SNRNP27: variants seen among roughly 807,000 people sequenced by gnomAD.
SNRNP27 encodes the protein U4/U6.U5 small nuclear ribonucleoprotein 27 kDa protein.
A neutral mutation model predicts 25.1 loss-of-function variants in SNRNP27; 22 were observed. That is an observed-to-expected ratio of 0.88 (90% CI 0.63 to 1.25). The LOEUF (loss-of-function observed/expected upper bound fraction) is 1.25. Ranked by LOEUF, SNRNP27 falls within the 50% of genes most tolerant of loss-of-function variation. SNRNP27 has a pLI of 0.00. For synonymous variants in SNRNP27, 66 were observed against 64.9 expected, an observed-to-expected ratio of 1.02 and a Z score of -0.08; for missense variants, 150 against 202.3, an observed-to-expected ratio of 0.74 and a Z score of 1.57.
At chr2:69,895,943 A>T (rs896737858) in intron 2 of SNRNP27, among the ~76,000 whole-genome samples, 5 of 151,034 alleles carry the variant, frequency 3.3e-5, no homozygotes, top group African/African-American at 1.2e-4. Context: ...GAAGAACATT[A>T]GAAATGGGCT....
In SNRNP27 at chr2:69,904,677, G is replaced by T; in HGVS notation, c.*369G>T. The T allele has an allele frequency of 3.3e-6, 1 of 300,870 alleles. No homozygotes were observed. The highest frequency in any genetic ancestry group is 6.0e-6 in the Non-Finnish European group (1 of 166,150). The allele number at this position is 300,870 out of a possible 1,614,324, so 18.6% of individuals were successfully genotyped here. A position where few individuals can be genotyped will look rare whatever the true frequency, so the allele number is the denominator to read the frequency against. On this transcript the variant is annotated 3_prime_UTR_variant, in exon 6 of 6. Transcript: ENST00000244227. ...GCAGTATTTCTACCCTTTTAGATTT[G>T]ATAAATATTTTTATTACTAAAGAAT...
At chr2:69,898,878 T>A (rs1676646162) in intron 4 of SNRNP27, among the ~76,000 whole-genome samples, 1 of 152,234 alleles carries the variant, frequency 6.6e-6, no homozygotes, top group Non-Finnish European at 1.5e-5. Context: ...TGAAAGTTTA[T>A]TAAGATATAT....
At position 69,897,374 on chromosome 2, in the gene SNRNP27, C is replaced by T. The variant is rs187301790; in HGVS notation, c.269-3C>T. 33 of 1,605,014 alleles carry T rather than the reference C, an allele frequency of 2.1e-5. No individual in the cohort carries two copies. In the East Asian group the frequency reaches 6.5e-4, roughly 32 times the overall value. On this transcript the variant is annotated splice_polypyrimidine_tract_variant and splice_region_variant and intron_variant, in intron 3 of 5. Coordinates refer to ENST00000244227, the MANE Select transcript of SNRNP27 (RefSeq NM_006857.3). The stretch of plus-strand genomic sequence containing the variant: ...GAGGTCACAAAATTATTCTTTTTTG[C>T]AGAGGAAGACTTAGAGGGCAAAACA...
chr2:69,898,859 T>C (rs757465845), intron 4 of SNRNP27, among the ~76,000 whole-genome samples: 15 of 152,250 alleles, frequency 9.9e-5, no homozygotes, highest in Non-Finnish European at 2.1e-4. Context: ...CCAAAGACTA[T>C]TTTATAAATG....
At chr2:69,900,063 T>C (rs1290598798) in intron 4 of SNRNP27, among the ~76,000 whole-genome samples, 1 of 151,844 alleles carries the variant, frequency 6.6e-6, no homozygotes, top group African/African-American at 2.4e-5. Flanking sequence ...GCTCAAGAAA[T>C]CCTCTTGCCC....
chr2:69,900,290 T>A (rs1676672544), intron 4 of SNRNP27, among the ~76,000 whole-genome samples: 2 of 152,328 alleles, frequency 1.3e-5, no homozygotes, highest in African/African-American at 4.8e-5. Context: ...TAAATGAGGA[T>A]AGGGCTAATA....
Position 69,904,957 on chromosome 2 carries a change from A to G in SNRNP27, c.*649A>G, listed in dbSNP as rs1172364212. ...CTGTTATCTACTCCCAGAAATAATC[A>G]ATTTCAACATTTTGGTATATGTTTT... is the stretch of plus-strand genomic sequence containing the variant. On this transcript the variant is annotated 3_prime_UTR_variant, in exon 6 of 6. Coordinates refer to ENST00000244227, the MANE Select transcript of SNRNP27 (RefSeq NM_006857.3). 1 of 152,220 alleles carries G rather than the reference A, an allele frequency of 6.6e-6. No individual in the cohort carries two copies. The highest frequency in any genetic ancestry group is 1.5e-5 in the Non-Finnish European group (1 of 68,086). The allele number at this position is 152,220 out of a possible 1,614,324, so 9.4% of individuals were successfully genotyped here. A position where few individuals can be genotyped will look rare whatever the true frequency, so the allele number is the denominator to read the frequency against.
chr2:69,905,190 G>C lies in SNRNP27; in HGVS notation c.*882G>C, dbSNP rs1412918717. ...AACATTGGCTTGCCTCCCATGACTT[G>C]CCATTATAATTAAAACTGTGACTAC... On this transcript the variant is annotated 3_prime_UTR_variant, in exon 6 of 6. Coordinates refer to ENST00000244227, the MANE Select transcript of SNRNP27 (RefSeq NM_006857.3). 6.6e-6 allele frequency: 1 copy of C among 152,042 alleles called. No homozygotes were observed. Among genetic ancestry groups the C allele is most frequent in the African/African-American group, 2.4e-5 (1 of 41,398 alleles). The allele number at this position is 152,042 out of a possible 1,614,324, so 9.4% of individuals were successfully genotyped here. A position where few individuals can be genotyped will look rare whatever the true frequency, so the allele number is the denominator to read the frequency against.
At chr2:69,901,480 C>T (rs968884216) in intron 4 of SNRNP27, among the ~76,000 whole-genome samples, 1 of 152,140 alleles carries the variant, frequency 6.6e-6, no homozygotes, top group African/African-American at 2.4e-5. Flanking sequence ...ACATAACAAC[C>T]TAGCATTTGT....
intron 2 of SNRNP27, 21 bp downstream of exon 2, chr2:69,895,235 A>G: frequency 6.2e-7 from 1 of 1,609,214 alleles, no homozygotes. Flanking sequence ...AAAATAAGCC[A>G]AGAGTTTTAT....
At chr2:69,895,390 A>G (rs1427135800) in intron 2 of SNRNP27, among the ~76,000 whole-genome samples, 176 bp downstream of exon 2, 3 of 152,266 alleles carry the variant, frequency 2.0e-5, no homozygotes, top group Admixed American at 2.0e-4. Context: ...TGGTGCTAAT[A>G]GTACTCTACA....
chr2:69,896,279 T>C (rs1348318051), intron 2 of SNRNP27, among the ~76,000 whole-genome samples, 157 bp from the exon 3 acceptor site: 1 of 152,248 alleles, frequency 6.6e-6, no homozygotes, highest in Admixed American at 6.5e-5. Flanking sequence ...TAAAAAATTT[T>C]TTTGTTAACA....
chr2:69,895,035 C>G, intron 1 of SNRNP27, 59 bp from the exon 2 acceptor site: 1 of 1,601,614 alleles, frequency 6.2e-7, no homozygotes, highest in South Asian at 1.1e-5. Context: ...TACTGGACGG[C>G]GCAGCTCTAG....
intron 4 of SNRNP27, 34 bp from the exon 5 acceptor site, chr2:69,903,147 G>GT (rs568205641): frequency 4.2e-5 from 65 of 1,551,166 alleles, no homozygotes; most frequent in South Asian, 3.7e-4. Context: ...TATCCTTCCT[G>GT]TTTTTTGTCT....
chr2:69,894,543 TG>T (rs1676565735), intron 1 of SNRNP27, among the ~76,000 whole-genome samples: 1 of 152,200 alleles, frequency 6.6e-6, no homozygotes, highest in Non-Finnish European at 1.5e-5. Context: ...TTTTGAGTCC[TG>T]GGAGCTCACT....
In SNRNP27 at chr2:69,904,342, C is replaced by T; in HGVS notation, c.*34C>T. ...GTGTTGAAGGATGATTTTTTTTCCC[C>T]TCATCTTGGTCAGAGAGTGGATTTT... On this transcript the variant is annotated 3_prime_UTR_variant, in exon 6 of 6. Transcript: ENST00000244227. 1 of 1,550,304 alleles carries T rather than the reference C, an allele frequency of 6.5e-7. No individual in the cohort carries two copies. Among genetic ancestry groups the T allele is most frequent in the Non-Finnish European group, 8.9e-7 (1 of 1,124,670 alleles).
At chr2:69,895,768 G>C (rs933919368) in intron 2 of SNRNP27, among the ~76,000 whole-genome samples, 1 of 152,156 alleles carries the variant, frequency 6.6e-6, no homozygotes, top group Non-Finnish European at 1.5e-5. Flanking sequence ...CAACGTGTTA[G>C]CCAGGATGGT....
rs1676625695 is a variant in SNRNP27, at chr2:69,897,475, A to T, written c.348+19A>T. 2 of 1,550,960 alleles carry T rather than the reference A, an allele frequency of 1.3e-6. No individual in the cohort carries two copies. The highest frequency in any genetic ancestry group is 8.9e-7 in the Non-Finnish European group (1 of 1,123,530). ...CACAAAAGTAAGTAAAACGTGCAAC[A>T]TTCTCATTTGAATTAATATGTTATG... On this transcript the variant is annotated intron_variant, in intron 4 of 5. Transcript: ENST00000244227.
chr2:69,895,484 T>C (rs1399645119), intron 2 of SNRNP27, among the ~76,000 whole-genome samples: 2 of 152,190 alleles, frequency 1.3e-5, no homozygotes, highest in African/African-American at 2.4e-5. Flanking sequence ...AAGAAATAAG[T>C]ATTTTATATT....
Sources: gnomAD v4.1 joint callset for allele counts (sites outside exome capture counted in the v4.1 genomes callset) on GRCh38, gnomAD v4.1.1 for gene constraint, MANE v1.5 for transcripts, NCBI Gene and HGNC (gene_info 2026-07-23, HGNC 2026-07-21) for gene names.